The following HEMK2 variants were observed in gnomAD, a reference collection of about 807,000 sequenced individuals.
HEMK2 encodes the protein methyltransferase HEMK2.
At chr21:28,735,939 C>T in the HEMK2 span, among the ~76,000 whole-genome samples, 7 of 152,218 alleles carry the variant, frequency 4.6e-5, no homozygotes, top group African/African-American at 1.7e-4. Context: ...CAGCCTCCTG[C>T]GGAAGCCTGG....
chr21:28,857,032 C>A, the HEMK2 span, among the ~76,000 whole-genome samples: 1 of 152,156 alleles, frequency 6.6e-6, no homozygotes, highest in South Asian at 2.1e-4. Context: ...AAGTTAAGAC[C>A]CACTGGCTTG....
At chr21:28,594,216 A>G in the HEMK2 span, among the ~76,000 whole-genome samples, 1 of 152,212 alleles carries the variant, frequency 6.6e-6, no homozygotes, top group Non-Finnish European at 1.5e-5. Flanking sequence ...CTAAGAAACT[A>G]TCCTAGCCAA....
chr21:28,670,611 AG>A, the HEMK2 span, among the ~76,000 whole-genome samples: 1 of 152,330 alleles, frequency 6.6e-6, no homozygotes, highest in Non-Finnish European at 1.5e-5. Flanking sequence ...GTATTGTCAG[AG>A]CTCTGTCCTG....
At chr21:28,577,321 G>T in the HEMK2 span, 1 of 152,092 alleles carries the variant, frequency 6.6e-6, no homozygotes, top group East Asian at 1.9e-4. Context: ...CTTGTGCTGG[G>T]ACCTTGGTCT....
the HEMK2 span, among the ~76,000 whole-genome samples, chr21:28,848,923 G>A: frequency 1.3e-4 from 20 of 152,190 alleles, no homozygotes; most frequent in East Asian, 2.7e-3. Flanking sequence ...CCCTGCCTGC[G>A]CTCTGCCACT....
At chr21:28,723,224 T>C in the HEMK2 span, among the ~76,000 whole-genome samples, 1 of 152,154 alleles carries the variant, frequency 6.6e-6, no homozygotes, top group African/African-American at 2.4e-5. Flanking sequence ...TTATGTTGCC[T>C]GGGCTGGTCT....
At chr21:28,822,476 C>A in the HEMK2 span, among the ~76,000 whole-genome samples, 1 of 150,486 alleles carries the variant, frequency 6.6e-6, no homozygotes. Flanking sequence ...CCAATTGCAA[C>A]AAAAAAAATT....
chr21:28,726,395 G>C, the HEMK2 span, among the ~76,000 whole-genome samples: 10 of 152,218 alleles, frequency 6.6e-5, no homozygotes, highest in South Asian at 2.1e-3. Flanking sequence ...TTTCTAATTA[G>C]TTAATCTCTC....
the HEMK2 span, among the ~76,000 whole-genome samples, chr21:28,817,155 AGAAATGTTG>A: frequency 3.3e-5 from 5 of 152,358 alleles, no homozygotes; most frequent in East Asian, 9.6e-4. Context: ...CTGGGTGCTA[AGAAATGTTG>A]GAATATTATA....
the HEMK2 span, among the ~76,000 whole-genome samples, chr21:28,868,211 C>T: frequency 6.6e-6 from 1 of 152,112 alleles, no homozygotes; most frequent in Non-Finnish European, 1.5e-5. Context: ...TCTCATGCTC[C>T]TCCTATTATC....
At chr21:28,605,750 T>C in the HEMK2 span, among the ~76,000 whole-genome samples, 1 of 152,220 alleles carries the variant, frequency 6.6e-6, no homozygotes, top group Non-Finnish European at 1.5e-5. Flanking sequence ...TGTGTATATG[T>C]GTATATCAAG....
the HEMK2 span, among the ~76,000 whole-genome samples, chr21:28,869,535 T>C: frequency 6.6e-6 from 1 of 152,350 alleles, no homozygotes. Flanking sequence ...TTCAACTATA[T>C]TGGAACCACC....
the HEMK2 span, among the ~76,000 whole-genome samples, chr21:28,812,584 T>C: frequency 3.3e-5 from 5 of 152,194 alleles, no homozygotes; most frequent in African/African-American, 7.2e-5. Context: ...ATCAGGGATA[T>C]TGGCCTGAAA....
chr21:28,880,851 G>C, the HEMK2 span, among the ~76,000 whole-genome samples: 21 of 141,494 alleles, frequency 1.5e-4, no homozygotes, highest in Admixed American at 8.9e-4. Context: ...TTTATTAGCA[G>C]TAACAACTTC....
chr21:28,661,942 A>T, the HEMK2 span, among the ~76,000 whole-genome samples: 3 of 152,302 alleles, frequency 2.0e-5, no homozygotes, highest in African/African-American at 4.8e-5. Flanking sequence ...GTTAGTTAGG[A>T]TGTAGTCAGG....
At chr21:28,803,598 C>G in the HEMK2 span, among the ~76,000 whole-genome samples, 2 of 152,102 alleles carry the variant, frequency 1.3e-5, no homozygotes, top group African/African-American at 4.8e-5. Context: ...ATTCTTAATG[C>G]CCAGAAAAAC....
chr21:28,677,792 G>A, the HEMK2 span, among the ~76,000 whole-genome samples: 1 of 152,238 alleles, frequency 6.6e-6, no homozygotes, highest in African/African-American at 2.4e-5. Context: ...AACAGCGTCT[G>A]GAGTGGACCT....
the HEMK2 span, among the ~76,000 whole-genome samples, chr21:28,810,131 T>C: frequency 3.3e-5 from 5 of 152,186 alleles, no homozygotes; most frequent in African/African-American, 1.2e-4. Flanking sequence ...CATTAAGCAG[T>C]ATCCATGTCT....
the HEMK2 span, among the ~76,000 whole-genome samples, chr21:28,789,443 G>C: frequency 6.6e-6 from 1 of 152,268 alleles, no homozygotes; most frequent in East Asian, 1.9e-4. Context: ...GGCCTAAGGG[G>C]CATGGGAGAG....
Sources: gnomAD v4.1 joint callset for allele counts (sites outside exome capture counted in the v4.1 genomes callset) on GRCh38, gnomAD v4.1.1 for gene constraint, MANE v1.5 for transcripts, NCBI Gene and HGNC (gene_info 2026-07-23, HGNC 2026-07-21) for gene names.